Variants in CXADR observed in about 807,000 individuals in gnomAD.
The protein encoded by CXADR is CXADR cell adhesion molecule.
Under a neutral mutation model 40.3 loss-of-function variants are expected in CXADR, and 20 were observed. The ratio of observed to expected loss-of-function variants is 0.50; its 90% CI spans 0.35 to 0.72. The LOEUF is 0.72. Ranked by LOEUF, CXADR falls within the 30% of genes least tolerant of loss-of-function variation. The probability of loss-of-function intolerance (pLI) is 0.01; values close to 1 mark genes in which losing one functional copy is unlikely to be tolerated. For synonymous variants in CXADR, 150 were observed against 161.3 expected, an observed-to-expected ratio of 0.93 and a Z score of 0.53; for missense variants, 332 against 449.1, an observed-to-expected ratio of 0.74 and a Z score of 2.36.
chr21:17,571,238 C>T (rs530140416), downstream of CXADR, among the ~76,000 whole-genome samples: 1 of 152,228 alleles, frequency 6.6e-6, no homozygotes, highest in South Asian at 2.1e-4. Flanking sequence ...GCTTCAGTTT[C>T]CTAGTGCTTA....
At chr21:17,545,154 A>G (rs956803695) in intron 1 of CXADR, among the ~76,000 whole-genome samples, 4 of 138,078 alleles carry the variant, frequency 2.9e-5, no homozygotes, top group African/African-American at 1.1e-4. Context: ...GAACCATACC[A>G]TATCTTAGTG....
the CXADR span, among the ~76,000 whole-genome samples, chr21:17,602,798 A>G: frequency 2.0e-5 from 3 of 152,236 alleles, no homozygotes; most frequent in African/African-American, 7.2e-5. Flanking sequence ...CCGTATAACT[A>G]AAGTTTTTAT....
intron 7 of CXADR, among the ~76,000 whole-genome samples, chr21:17,578,665 C>CA (rs1395752005): frequency 2.0e-5 from 3 of 152,074 alleles, no homozygotes; most frequent in African/African-American, 7.2e-5. Context: ...CCCATCTCTA[C>CA]AAAAAATATA....
In CXADR at chr21:17,568,079, A is replaced by C. The variant is rs2061234533; in HGVS notation, c.*2387A>C. On this transcript the variant is annotated 3_prime_UTR_variant, in exon 7 of 7. Transcript: ENST00000284878. ...CTGGTAATCAAGTAGTTGAACAAAA[A>C]ATTACTAAAGCATTTCCGTTAGATC... is the stretch of plus-strand genomic sequence containing the variant. 1.3e-5 allele frequency: 13 copies of C among 984,554 alleles called. No homozygotes were observed. The South Asian group carries it at 4.7e-4, about 36-fold the overall frequency. 61.0% of individuals were successfully genotyped at this position (984,554 alleles called of 1,614,324 possible).
Position 17,568,280 on chromosome 21 carries a change from C to T in CXADR, c.*2588C>T, listed in dbSNP as rs2061239022. The T allele has an allele frequency of 8.8e-6, 7 of 794,642 alleles. No individual in the cohort carries two copies. Among genetic ancestry groups the T allele is most frequent in the Non-Finnish European group, 1.1e-5 (7 of 656,626 alleles). The allele number at this position is 794,642 out of a possible 1,614,324, so 49.2% of individuals were successfully genotyped here. A position where few individuals can be genotyped will look rare whatever the true frequency, so the allele number is the denominator to read the frequency against. ...AGCAGCTGGGACTACAGGCTCCCAT[C>T]ACCACGCTCGGCTAAGTTTTTGTAA... On this transcript the variant is annotated 3_prime_UTR_variant, in exon 7 of 7. Transcript: ENST00000284878.
the CXADR span, among the ~76,000 whole-genome samples, chr21:17,626,165 G>T: frequency 6.6e-6 from 1 of 151,816 alleles, no homozygotes; most frequent in Admixed American, 6.6e-5. Flanking sequence ...TTTCATATAC[G>T]GACAGACTAT....
the CXADR span, among the ~76,000 whole-genome samples, chr21:17,635,150 A>G: frequency 5.3e-5 from 8 of 152,238 alleles, no homozygotes; most frequent in African/African-American, 1.9e-4. Flanking sequence ...GTCCTTTAAT[A>G]ACCTCCTTTT....
At chr21:17,632,199 G>T in the CXADR span, among the ~76,000 whole-genome samples, 1 of 152,168 alleles carries the variant, frequency 6.6e-6, no homozygotes, top group South Asian at 2.1e-4. Flanking sequence ...TCCAGTTTCA[G>T]TACCACATAG....
intron 6 of CXADR, among the ~76,000 whole-genome samples, chr21:17,563,137 C>T (rs187762870): frequency 1.3e-4 from 20 of 152,240 alleles, no homozygotes; most frequent in African/African-American, 4.8e-4. Context: ...TGGTTTTCAA[C>T]ATGCTGTCCT....
In CXADR at chr21:17,527,286, C is replaced by A. The variant is rs374955516; in HGVS notation, c.43+14114C>A. The A allele has an allele frequency of 7.2e-5, 11 of 152,186 alleles. No homozygotes were observed. In the East Asian group the frequency reaches 9.7e-4, roughly 13 times the overall value. 9.4% of individuals were successfully genotyped at this position (152,186 alleles called of 1,614,324 possible). ...GTTTTGACCAGAATTGGAATTTGAA[C>A]GCTCCCCCAAGTTGAGTATGTCTGT... On this transcript the variant is annotated intron_variant, in intron 1 of 6. Coordinates refer to ENST00000284878, the MANE Select transcript of CXADR (RefSeq NM_001338.5).
intron 1 of CXADR, among the ~76,000 whole-genome samples, chr21:17,539,510 T>A (rs2123211861): frequency 6.6e-6 from 1 of 152,352 alleles, no homozygotes; most frequent in Middle Eastern, 3.4e-3. Context: ...CACATTAGTC[T>A]GGATTAAGTA....
chr21:17,612,555 C>G, the CXADR span: 1 of 152,138 alleles, frequency 6.6e-6, no homozygotes, highest in Non-Finnish European at 1.5e-5. Context: ...CCCATGCAAC[C>G]TGGTTCCATC....
downstream of CXADR, among the ~76,000 whole-genome samples, chr21:17,573,123 G>C (rs925401040): frequency 6.6e-6 from 1 of 152,098 alleles, no homozygotes; most frequent in Non-Finnish European, 1.5e-5. Flanking sequence ...CCTGTCTTTG[G>C]CTTGTAGGTG....
chr21:17,541,972 CTCA>C, intron 1 of CXADR: 1 of 321,064 alleles, frequency 3.1e-6, no homozygotes, highest in South Asian at 2.6e-5. Flanking sequence ...AATGCTGTTT[CTCA>C]TCATAGCTTT....
At chr21:17,608,839 T>A in the CXADR span, 2 of 878,520 alleles carry the variant, frequency 2.3e-6, no homozygotes, top group African/African-American at 1.7e-5. Context: ...GGAGAAAATA[T>A]ACAAACACCC....
chr21:17,574,474 T>G (rs2061304348), downstream of CXADR, among the ~76,000 whole-genome samples: 1 of 152,204 alleles, frequency 6.6e-6, no homozygotes, highest in South Asian at 2.1e-4. Flanking sequence ...TGGGAAATTA[T>G]GATACTAAGC....
chr21:17,632,508 C>G, the CXADR span, among the ~76,000 whole-genome samples: 1 of 152,168 alleles, frequency 6.6e-6, no homozygotes, highest in Non-Finnish European at 1.5e-5. Context: ...GTCAAGGTTT[C>G]CAAAGCGCGA....
At chr21:17,544,884 A>C (rs930385198) in intron 1 of CXADR, among the ~76,000 whole-genome samples, 2 of 152,120 alleles carry the variant, frequency 1.3e-5, no homozygotes, top group Non-Finnish European at 2.9e-5. Context: ...GACTTTATTA[A>C]AATTTTATTA....
intron 1 of CXADR, among the ~76,000 whole-genome samples, chr21:17,531,857 G>A (rs1342255500): frequency 1.3e-5 from 2 of 151,924 alleles, no homozygotes; most frequent in South Asian, 4.1e-4. Flanking sequence ...CTTGTCTCCC[G>A]AAGTGTTGAG....
Sources: gnomAD v4.1 joint callset for allele counts (sites outside exome capture counted in the v4.1 genomes callset) on GRCh38, gnomAD v4.1.1 for gene constraint, MANE v1.5 for transcripts, NCBI Gene and HGNC (gene_info 2026-07-23, HGNC 2026-07-21) for gene names.